The following ERC2 variants were observed in gnomAD, a reference collection of about 807,000 sequenced individuals.
ERC2 encodes ERC protein 2.
In ERC2, 42 loss-of-function variants were observed where a neutral mutation model predicts 114.8. The ratio of observed to expected loss-of-function variants is 0.37; its 90% confidence interval spans 0.29 to 0.47. The LOEUF (loss-of-function observed/expected upper bound fraction) is 0.47, where lower values mean the gene tolerates loss of function less well. Ranked by LOEUF, ERC2 falls within the 20% of genes least tolerant of loss-of-function variation. ERC2 has a pLI of 0.99. For synonymous variants in ERC2, 454 were observed against 425.5 expected (o/e 1.07, Z -0.82); for missense variants, 939 against 1,150.7 (o/e 0.82, Z 2.66).
chr3:55,792,577 T>A (rs1402908153), intron 14 of ERC2, among the ~76,000 whole-genome samples: 1 of 152,224 alleles, frequency 6.6e-6, no homozygotes, highest in East Asian at 1.9e-4. Flanking sequence ...GATTTCCATT[T>A]GTTGTCTATG....
intron 3 of ERC2, among the ~76,000 whole-genome samples, chr3:56,213,837 T>TG (rs1275758434): frequency 6.6e-5 from 10 of 152,052 alleles, no homozygotes; most frequent in Admixed American, 5.9e-4. Context: ...AACAGCAACA[T>TG]CTGCTGTTCA....
intron 7 of ERC2, among the ~76,000 whole-genome samples, chr3:56,024,873 C>T (rs1358764941): frequency 6.6e-6 from 1 of 152,206 alleles, no homozygotes; most frequent in Non-Finnish European, 1.5e-5. Flanking sequence ...GTCCCGGCAA[C>T]TCTTTGTTAC....
At chr3:55,631,135 A>G (rs1183171121) in intron 17 of ERC2, among the ~76,000 whole-genome samples, 1 of 152,022 alleles carries the variant, frequency 6.6e-6, no homozygotes, top group African/African-American at 2.4e-5. Context: ...CACACACCAC[A>G]TTGCGAGTAA....
chr3:55,832,483 T>C (rs923992350), intron 14 of ERC2, among the ~76,000 whole-genome samples: 1 of 152,210 alleles, frequency 6.6e-6, no homozygotes, highest in East Asian at 1.9e-4. Context: ...CTGCTGCGGA[T>C]ACCCAGGCAA....
intron 10 of ERC2, among the ~76,000 whole-genome samples, chr3:55,995,941 C>A (rs2071474529): frequency 6.6e-6 from 1 of 152,158 alleles, no homozygotes; most frequent in Non-Finnish European, 1.5e-5. Context: ...TGTATTTAGG[C>A]AATATTCTCG....
At chr3:56,220,018 A>C (rs1320396021) in intron 3 of ERC2, among the ~76,000 whole-genome samples, 1 of 152,240 alleles carries the variant, frequency 6.6e-6, no homozygotes, top group Admixed American at 6.5e-5. Flanking sequence ...TGTCTACAAT[A>C]GTTATCATTA....
At chr3:55,533,679 G>C (rs1312702457) in intron 17 of ERC2, among the ~76,000 whole-genome samples, 1 of 152,180 alleles carries the variant, frequency 6.6e-6, no homozygotes, top group East Asian at 1.9e-4. Context: ...GGAGAGATCA[G>C]GATGCCAGCA....
chr3:55,535,686 C>T (rs2053952349), intron 17 of ERC2, among the ~76,000 whole-genome samples: 2 of 152,288 alleles, frequency 1.3e-5, no homozygotes, highest in Middle Eastern at 3.4e-3. Flanking sequence ...CCTATGTGGA[C>T]CTTCTTCCAT....
At chr3:56,241,839 T>C (rs530837969) in intron 3 of ERC2, among the ~76,000 whole-genome samples, 2 of 152,334 alleles carry the variant, frequency 1.3e-5, no homozygotes, top group South Asian at 2.1e-4. Flanking sequence ...GGTCAACTAA[T>C]GATGACATAT....
intron 16 of ERC2, among the ~76,000 whole-genome samples, chr3:55,685,669 T>C (rs553400661): frequency 1.4e-4 from 22 of 152,268 alleles, no homozygotes; most frequent in African/African-American, 5.1e-4. Context: ...TATATGTCTC[T>C]GGATGGAGGC....
intron 17 of ERC2, among the ~76,000 whole-genome samples, chr3:55,514,764 T>G (rs999016611): frequency 6.6e-6 from 1 of 152,206 alleles, no homozygotes; most frequent in Non-Finnish European, 1.5e-5. Context: ...CAGATTAAAG[T>G]CCAGCTAAGT....
chr3:55,753,895 C>T (rs2066883585), intron 14 of ERC2, among the ~76,000 whole-genome samples: 1 of 152,170 alleles, frequency 6.6e-6, no homozygotes, highest in Admixed American at 6.5e-5. Flanking sequence ...AATTCTGGTT[C>T]TGCACCACTG....
intron 17 of ERC2, among the ~76,000 whole-genome samples, chr3:55,596,490 G>A (rs2058142972): frequency 6.6e-6 from 1 of 152,084 alleles, no homozygotes; most frequent in Non-Finnish European, 1.5e-5. Flanking sequence ...GAGGTTAGAG[G>A]ATCACTTGAG....
At chr3:55,521,234 C>T (rs570967515) in intron 17 of ERC2, among the ~76,000 whole-genome samples, 3 of 152,296 alleles carry the variant, frequency 2.0e-5, no homozygotes, top group Non-Finnish European at 2.9e-5. Context: ...TGGGTCCAGG[C>T]GAGACCTCCC....
chr3:56,206,570 A>G (rs1038140651), intron 3 of ERC2, among the ~76,000 whole-genome samples: 2 of 152,228 alleles, frequency 1.3e-5, no homozygotes, highest in Non-Finnish European at 2.9e-5. Flanking sequence ...AGTTACATTC[A>G]TCTGAGACAA....
intron 17 of ERC2, among the ~76,000 whole-genome samples, chr3:55,662,173 T>TCA (rs2061166221): frequency 6.6e-6 from 1 of 152,262 alleles, no homozygotes. Flanking sequence ...AATCCTGTTC[T>TCA]TATCAGCTTA....
intron 12 of ERC2, among the ~76,000 whole-genome samples, chr3:55,968,029 C>T (rs187317202): frequency 6.6e-6 from 1 of 152,278 alleles, no homozygotes; most frequent in African/African-American, 2.4e-5. Context: ...CACCACAAAA[C>T]AGATACTATT....
chr3:55,975,391 T>A (rs2069502894), intron 12 of ERC2, among the ~76,000 whole-genome samples: 1 of 152,190 alleles, frequency 6.6e-6, no homozygotes, highest in Admixed American at 6.5e-5. Context: ...ATGCCTTTAT[T>A]TTCTTCCTGC....
chr3:55,850,963 T>C (rs2149240842), intron 14 of ERC2, among the ~76,000 whole-genome samples: 2 of 151,854 alleles, frequency 1.3e-5, no homozygotes, highest in South Asian at 4.2e-4. Flanking sequence ...TGACTTCCCC[T>C]GGGACTTGTA....
Sources: allele counts gnomAD v4.1 joint callset (sites outside exome capture counted in the v4.1 genomes callset), GRCh38; gene constraint gnomAD v4.1.1; transcripts MANE v1.5; gene names NCBI Gene and HGNC (gene_info 2026-07-23, HGNC 2026-07-21).